Variants in CSMD1 observed in about 807,000 individuals in gnomAD.
CSMD1 encodes the protein CUB and Sushi multiple domains 1.
In CSMD1, 213 loss-of-function variants were observed where a neutral mutation model predicts 417.5. The observed-to-expected ratio is 0.51, with a 90% CI of 0.46 to 0.57. The LOEUF is 0.57. CSMD1 is among the 20% of genes least tolerant of loss of function. CSMD1 has a pLI of 0.00. For synonymous variants in CSMD1, 2,862 were observed against 1,736.8 expected (o/e 1.65, Z -16.11); for missense variants, 6,923 against 4,529.7 (o/e 1.53, Z -15.17).
chr8:4,367,263 G>A (rs1395255060), intron 3 of CSMD1, among the ~76,000 whole-genome samples: 1 of 152,048 alleles, frequency 6.6e-6, no homozygotes, highest in Non-Finnish European at 1.5e-5. Flanking sequence ...GTCCAGCCGG[G>A]CCAGACTGCA....
chr8:4,634,002 A>AG (rs996809194), intron 2 of CSMD1, among the ~76,000 whole-genome samples: 1 of 151,986 alleles, frequency 6.6e-6, no homozygotes, highest in African/African-American at 2.4e-5. Flanking sequence ...TCATTAAAAA[A>AG]AAAAAAAACA....
At chr8:4,439,124 A>G (rs998846157) in intron 2 of CSMD1, among the ~76,000 whole-genome samples, 2 of 152,170 alleles carry the variant, frequency 1.3e-5, no homozygotes, top group African/African-American at 4.8e-5. Context: ...AAATCAATTA[A>G]TCATCTATAT....
rs1433473645 is a variant in CSMD1 at position 4,199,666 on chromosome 8, C to A, written c.416-167567G>T. Among the ~76,000 whole-genome samples the A allele has an allele frequency of 2.0e-5, 3 of 152,132 alleles. No homozygotes were observed. The East Asian group carries it at 5.8e-4, about 29-fold the overall frequency. ...TTCAACCCAAGCTCAGTGTATGAGG[C>A]TGGACAGGCAAGGCAGTCCAGATTT... On this transcript the variant is annotated intron_variant, in intron 3 of 69. Coordinates refer to ENST00000635120, the MANE Select transcript of CSMD1 (RefSeq NM_033225.6).
At chr8:3,658,630 A>G (rs1003596895) in intron 7 of CSMD1, among the ~76,000 whole-genome samples, 1 of 151,900 alleles carries the variant, frequency 6.6e-6, no homozygotes, top group Admixed American at 6.6e-5. Context: ...TAAAAATACA[A>G]AAATCAGTTG....
intron 2 of CSMD1, among the ~76,000 whole-genome samples, chr8:4,627,822 G>C (rs1434654709): frequency 2.6e-5 from 4 of 152,068 alleles, no homozygotes; most frequent in South Asian, 2.1e-4. Flanking sequence ...GAATAGTACA[G>C]ACAATTCTAG....
rs868677174 is a variant in CSMD1 at position 3,175,547 on chromosome 8, C to G, written c.5725+5563G>C. On this transcript the variant is annotated intron_variant, in intron 37 of 69. Coordinates refer to ENST00000635120, the MANE Select transcript of CSMD1 (RefSeq NM_033225.6). ...TTCCTTCCTTCCTTCTTCCCTCCCT[C>G]CCTCTCTCCCTCCCTGCCTTCCTTC... Among the ~76,000 whole-genome samples the G allele has an allele frequency of 1.4e-4, 19 of 140,530 alleles. No homozygotes were observed. In the South Asian group the frequency reaches 2.6e-3, roughly 19 times the overall value. The allele number at this position is 140,530 out of a possible 152,430, so 92.2% of individuals were successfully genotyped here.
At chr8:4,216,398 T>G (rs984331942) in intron 3 of CSMD1, among the ~76,000 whole-genome samples, 1 of 152,210 alleles carries the variant, frequency 6.6e-6, no homozygotes, top group East Asian at 1.9e-4. Flanking sequence ...GTGTGTACTA[T>G]TGTGTGCATG....
chr8:4,558,825 G>C (rs1309029993), intron 2 of CSMD1, among the ~76,000 whole-genome samples: 1 of 152,170 alleles, frequency 6.6e-6, no homozygotes, highest in Non-Finnish European at 1.5e-5. Context: ...TGGAGATCGT[G>C]CCACTGCACT....
intron 46 of CSMD1, among the ~76,000 whole-genome samples, chr8:3,100,855 G>C (rs1302637113): frequency 1.3e-5 from 2 of 152,088 alleles, no homozygotes; most frequent in Non-Finnish European, 2.9e-5. Context: ...AGGTATGACA[G>C]AATTGGAGAA....
intron 12 of CSMD1, among the ~76,000 whole-genome samples, chr8:3,428,687 G>C (rs906905590): frequency 1.3e-5 from 2 of 152,094 alleles, no homozygotes; most frequent in Admixed American, 6.6e-5. Context: ...ATATGATCCA[G>C]TCATCCTACT....
intron 1 of CSMD1, among the ~76,000 whole-genome samples, chr8:4,695,580 T>A (rs1242320858): frequency 6.6e-6 from 1 of 152,132 alleles, no homozygotes; most frequent in African/African-American, 2.4e-5. Flanking sequence ...AGGTTTCTCA[T>A]CTGTCCCCTA....
At chr8:3,295,944 C>T (rs974903171) in intron 25 of CSMD1, among the ~76,000 whole-genome samples, 1 of 151,978 alleles carries the variant, frequency 6.6e-6, no homozygotes, top group Admixed American at 6.6e-5. Flanking sequence ...CATACATCTG[C>T]CAAGTTGAGT....
At chr8:4,920,907 AAAAGAAAAGAAAAGAAAAG>A (rs759778159) in intron 1 of CSMD1, among the ~76,000 whole-genome samples, 1,115 of 56,546 alleles carry the variant, frequency 0.02, 135 homozygotes, top group South Asian at 0.034. Flanking sequence ...AAAAGAAAAG[AAAAGAAAAGAAAAGAAAAG>A]AAAGAGAGAA....
At chr8:4,687,023 C>T (rs534051351) in intron 1 of CSMD1, among the ~76,000 whole-genome samples, 1 of 152,314 alleles carries the variant, frequency 6.6e-6, no homozygotes, top group Admixed American at 6.5e-5. Flanking sequence ...CACCAGCCAG[C>T]GAACTCCATG....
chr8:4,018,836 T>C (rs1404579026), intron 4 of CSMD1, among the ~76,000 whole-genome samples: 1 of 152,158 alleles, frequency 6.6e-6, no homozygotes, highest in South Asian at 2.1e-4. Context: ...CTTGGTGAAG[T>C]CACTGAATTC....
chr8:4,784,006 A>T (rs115916696), intron 1 of CSMD1, among the ~76,000 whole-genome samples: 8 of 152,230 alleles, frequency 5.3e-5, no homozygotes, highest in African/African-American at 1.9e-4. Context: ...CAGTACGATT[A>T]GTGAAAATTA....
chr8:4,305,005 C>G (rs982554027), intron 3 of CSMD1, among the ~76,000 whole-genome samples: 1 of 152,146 alleles, frequency 6.6e-6, no homozygotes, highest in Admixed American at 6.6e-5. Context: ...TCTTACAGGA[C>G]CCACTACAAA....
intron 18 of CSMD1, among the ~76,000 whole-genome samples, chr8:3,378,507 C>G (rs1463691352): frequency 3.3e-5 from 5 of 152,180 alleles, no homozygotes; most frequent in Non-Finnish European, 7.3e-5. Flanking sequence ...CCATAAAATG[C>G]TGGCAAACCA....
At position 4,335,836 on chromosome 8, in the gene CSMD1, G is replaced by C. The variant is rs537060664; in HGVS notation, c.415+84117C>G. 3.3e-5 allele frequency among the ~76,000 whole-genome samples: 5 copies of C among 152,184 alleles called. No individual in the cohort carries two copies. The South Asian group carries it at 8.3e-4, about 25-fold the overall frequency. On this transcript the variant is annotated intron_variant, in intron 3 of 69. Transcript: ENST00000635120. The stretch of plus-strand genomic sequence containing the variant: ...TACAACATTACTCAGCCCAGGGGTT[G>C]ATTGGGGTATCTAAGCTGGGGAGAA...
Sources: allele counts gnomAD v4.1 joint callset (sites outside exome capture counted in the v4.1 genomes callset), GRCh38; gene constraint gnomAD v4.1.1; transcripts MANE v1.5; gene names NCBI Gene and HGNC (gene_info 2026-07-23, HGNC 2026-07-21).